The following IGSF21 variants were observed in gnomAD, a reference collection of about 807,000 sequenced individuals.
IGSF21 encodes immunoglobulin superfamily member 21.
IGSF21 carries 28 observed loss-of-function variants against 46.8 expected under a neutral mutation model. That is an observed-to-expected ratio of 0.60 (90% CI 0.44 to 0.82). The LOEUF (loss-of-function observed/expected upper bound fraction) is 0.82. Among genes scored for constraint, IGSF21 ranks in the 40% least tolerant of loss-of-function variants. The pLI is 0.00. For synonymous variants in IGSF21, 284 were observed against 273.6 expected (o/e 1.04, Z -0.38); for missense variants, 624 against 665.5 (o/e 0.94, Z 0.69).
At chr1:18,217,144 G>C (rs2084457583) in intron 1 of IGSF21, among the ~76,000 whole-genome samples, 1 of 152,116 alleles carries the variant, frequency 6.6e-6, no homozygotes, top group Non-Finnish European at 1.5e-5. Context: ...GTCTGCCCCA[G>C]GTCAAGTTGT....
At chr1:18,327,544 C>T (rs767016934) in intron 3 of IGSF21, among the ~76,000 whole-genome samples, 14 of 152,092 alleles carry the variant, frequency 9.2e-5, no homozygotes, top group African/African-American at 2.4e-4. Flanking sequence ...CCACGAAATG[C>T]GATGCTGTTC....
chr1:18,271,893 C>G (rs2085046275), intron 2 of IGSF21, among the ~76,000 whole-genome samples: 1 of 152,054 alleles, frequency 6.6e-6, no homozygotes, highest in African/African-American at 2.4e-5. Flanking sequence ...GAGTGTGGCT[C>G]GTGATGGACC....
At chr1:18,268,019 G>A (rs2085006363) in intron 2 of IGSF21, among the ~76,000 whole-genome samples, 1 of 152,202 alleles carries the variant, frequency 6.6e-6, no homozygotes, top group Admixed American at 6.5e-5. Flanking sequence ...CTAGGACAGG[G>A]ATCTTCGTCT....
Position 18,259,271 on chromosome 1 carries a change from C to T in IGSF21, c.183+31261C>T, listed in dbSNP as rs541676823. Among the ~76,000 whole-genome samples the T allele has an allele frequency of 7.2e-5, 11 of 152,172 alleles. No individual in the cohort carries two copies. The East Asian group carries it at 1.9e-3, about 27-fold the overall frequency. ...GGCATCTTTCTGATGCTGAATGGGG[C>T]CACTCTAAGTCTCAATTTCTTCATC... On this transcript the variant is annotated intron_variant, in intron 2 of 9. Coordinates refer to ENST00000251296, the MANE Select transcript of IGSF21 (RefSeq NM_032880.5).
intron 4 of IGSF21, among the ~76,000 whole-genome samples, chr1:18,349,710 G>A (rs1016263969): frequency 3.3e-5 from 5 of 152,072 alleles, no homozygotes; most frequent in African/African-American, 1.2e-4. Context: ...CATACTTTAC[G>A]TAGTGCTCAC....
rs2086289355 is a variant in IGSF21, at chr1:18,377,008, C to A, written c.1294+16C>A. ...ATCGTGTTTGGTATGGCGCGCTCAA[C>A]TGGGGACTGGGAGAACAACCACAGG... is the stretch of plus-strand genomic sequence containing the variant. On this transcript the variant is annotated intron_variant, in intron 8 of 9. Coordinates refer to ENST00000251296, the MANE Select transcript of IGSF21 (RefSeq NM_032880.5). 1.3e-6 allele frequency: 2 copies of A among 1,575,978 alleles called. No individual in the cohort carries two copies. Among genetic ancestry groups the A allele is most frequent in the South Asian group, 1.1e-5 (1 of 87,036 alleles).
At chr1:18,183,659 TGGA>T (rs1434019253) in intron 1 of IGSF21, among the ~76,000 whole-genome samples, 1 of 152,092 alleles carries the variant, frequency 6.6e-6, no homozygotes, top group Admixed American at 6.5e-5. Flanking sequence ...TTATGGTGGG[TGGA>T]GGTCAGCTTG....
chr1:18,163,583 A>C (rs920037309), intron 1 of IGSF21, among the ~76,000 whole-genome samples: 1 of 152,222 alleles, frequency 6.6e-6, no homozygotes, highest in African/African-American at 2.4e-5. Flanking sequence ...CGGTTTCCCC[A>C]GCAGGAGACA....
intron 4 of IGSF21, among the ~76,000 whole-genome samples, chr1:18,345,096 C>A (rs2085879613): frequency 6.6e-6 from 1 of 152,168 alleles, no homozygotes; most frequent in Admixed American, 6.5e-5. Flanking sequence ...ATTCCCCAAG[C>A]AAAAGCCTGG....
chr1:18,176,048 G>A (rs745845951), intron 1 of IGSF21: 4 of 152,178 alleles, frequency 2.6e-5, no homozygotes, highest in Admixed American at 6.5e-5. Context: ...GGGAAGGCCC[G>A]GTGCCTGGCC....
At chr1:18,227,169 G>T (rs2084576403) in intron 1 of IGSF21, among the ~76,000 whole-genome samples, 1 of 152,164 alleles carries the variant, frequency 6.6e-6, no homozygotes. Context: ...CACTGCCATG[G>T]CCAAGGCTTG....
At chr1:18,256,964 C>G (rs2084899024) in intron 2 of IGSF21, among the ~76,000 whole-genome samples, 1 of 152,142 alleles carries the variant, frequency 6.6e-6, no homozygotes, top group Non-Finnish European at 1.5e-5. Flanking sequence ...CTGACTCTCT[C>G]CATAGCTCAC....
chr1:18,181,453 A>G (rs1458932312), intron 1 of IGSF21, among the ~76,000 whole-genome samples: 1 of 152,022 alleles, frequency 6.6e-6, no homozygotes, highest in Non-Finnish European at 1.5e-5. Flanking sequence ...AATAATAAGG[A>G]CCTTTAGATT....
intron 1 of IGSF21, among the ~76,000 whole-genome samples, chr1:18,164,427 T>C (rs564591875): frequency 6.6e-6 from 1 of 152,200 alleles, no homozygotes; most frequent in East Asian, 1.9e-4. Context: ...CTTTCCTTTT[T>C]ATCCTTTTCT....
At chr1:18,325,642 G>C (rs376094719) in intron 3 of IGSF21, among the ~76,000 whole-genome samples, 1 of 152,132 alleles carries the variant, frequency 6.6e-6, no homozygotes, top group South Asian at 2.1e-4. Context: ...CATAATCTGC[G>C]CTGGAACCAA....
intron 2 of IGSF21, among the ~76,000 whole-genome samples, chr1:18,244,756 A>T (rs2084768168): frequency 6.6e-6 from 1 of 152,178 alleles, no homozygotes. Context: ...CAGTGCTAAT[A>T]GATTTTTTTT....
chr1:18,260,179 A>G (rs1239280875), intron 2 of IGSF21, among the ~76,000 whole-genome samples: 2 of 152,176 alleles, frequency 1.3e-5, no homozygotes, highest in African/African-American at 4.8e-5. Context: ...AGATGTGGAG[A>G]GGGGCAAACA....
intron 2 of IGSF21, among the ~76,000 whole-genome samples, chr1:18,254,843 T>TATCC (rs2084875192): frequency 7.3e-6 from 1 of 136,298 alleles, no homozygotes. Flanking sequence ...CCCATTCTTC[T>TATCC]ATCCATCCAT....
chr1:18,320,621 G>C (rs1402293697), intron 3 of IGSF21, among the ~76,000 whole-genome samples: 1 of 152,188 alleles, frequency 6.6e-6, no homozygotes, highest in Non-Finnish European at 1.5e-5. Flanking sequence ...TGCCCAACTG[G>C]AGTCATCGGT....
Sources: allele counts gnomAD v4.1 joint callset (sites outside exome capture counted in the v4.1 genomes callset), GRCh38; gene constraint gnomAD v4.1.1; transcripts MANE v1.5; gene names NCBI Gene and HGNC (gene_info 2026-07-23, HGNC 2026-07-21).